PDE10A: variants seen among roughly 807,000 people sequenced by gnomAD.
The protein encoded by PDE10A is cAMP and cAMP-inhibited cGMP 3',5'-cyclic phosphodiesterase 10A.
PDE10A carries 39 observed loss-of-function variants against 97.7 expected under a neutral mutation model. The ratio of observed to expected loss-of-function variants is 0.40; its 90% CI spans 0.31 to 0.52. The LOEUF (loss-of-function observed/expected upper bound fraction) is 0.52, where lower values mean the gene tolerates loss of function less well. Among genes scored for constraint, PDE10A ranks in the 20% least tolerant of loss-of-function variants. PDE10A has a pLI of 0.56. For missense variants in PDE10A, 731 were observed against 1,047.8 expected (o/e 0.70, Z 4.17); for synonymous variants, 371 against 376.8 (o/e 0.98, Z 0.18).
chr6:165,960,682 G>A (rs1784331344), intron 1 of PDE10A, among the ~76,000 whole-genome samples: 1 of 152,230 alleles, frequency 6.6e-6, no homozygotes, highest in African/African-American at 2.4e-5. Context: ...ACGTGAGTTA[G>A]TAACTTGAAA....
intron 1 of PDE10A, among the ~76,000 whole-genome samples, chr6:165,953,097 A>G (rs1178816132): frequency 2.0e-5 from 3 of 152,140 alleles, no homozygotes; most frequent in Non-Finnish European, 4.4e-5. Flanking sequence ...ACTTCTCGGC[A>G]TTGTAGTTTG....
chr6:165,834,986 G>A (rs1407392241), intron 1 of PDE10A, among the ~76,000 whole-genome samples: 2 of 152,234 alleles, frequency 1.3e-5, no homozygotes, highest in African/African-American at 2.4e-5. Context: ...GAGCTCAGGG[G>A]CCAGGGGTGT....
At chr6:165,402,111 T>A (rs1362898956) in intron 13 of PDE10A, among the ~76,000 whole-genome samples, 1 of 152,226 alleles carries the variant, frequency 6.6e-6, no homozygotes, top group Non-Finnish European at 1.5e-5. Context: ...GTATGCTAAG[T>A]GTTTTGTATG....
At position 165,388,464 on chromosome 6, in the gene PDE10A, T is replaced by C; in HGVS notation, c.2455-11A>G. On this transcript the variant is annotated splice_polypyrimidine_tract_variant and intron_variant, in intron 16 of 21. Transcript: ENST00000539869. The surrounding 1 kb of genome is among the most constrained non-coding windows in gnomAD (Gnocchi z 4.0). The stretch of plus-strand genomic sequence containing the variant: ...CAGCAGTCCTTTGCGCTTTAAAAAA[T>C]AATATGATGCAGAGATGCTCAAAAC... 6.2e-7 allele frequency: 1 copy of C among 1,613,256 alleles called. No homozygotes were observed. The highest frequency in any genetic ancestry group is 8.5e-7 in the Non-Finnish European group (1 of 1,179,526).
intron 13 of PDE10A, among the ~76,000 whole-genome samples, chr6:165,405,324 C>T (rs1212228229): frequency 6.6e-6 from 1 of 152,134 alleles, no homozygotes; most frequent in Non-Finnish European, 1.5e-5. Flanking sequence ...TTGCTATTTT[C>T]CAGTAAATAA....
chr6:165,521,479 G>A (rs1010193533), intron 2 of PDE10A, among the ~76,000 whole-genome samples: 16 of 152,276 alleles, frequency 1.1e-4, no homozygotes, highest in Admixed American at 5.9e-4. Flanking sequence ...AGTTAGCCAC[G>A]TTGTTAATGC....
chr6:165,695,209 C>A (rs199945849), intron 1 of PDE10A, among the ~76,000 whole-genome samples: 221 of 123,320 alleles, frequency 1.8e-3, no homozygotes, highest in African/African-American at 2.0e-3. Flanking sequence ...TGAAAACTAC[C>A]AAAAAAAAAA....
At chr6:165,543,030 T>C (rs1301080924) in intron 2 of PDE10A, among the ~76,000 whole-genome samples, 3 of 152,312 alleles carry the variant, frequency 2.0e-5, no homozygotes, top group East Asian at 1.9e-4. Context: ...AAAATTGTTT[T>C]TATATTGGCT....
intron 1 of PDE10A, among the ~76,000 whole-genome samples, chr6:165,672,308 C>G (rs1051781191): frequency 1.3e-5 from 2 of 152,206 alleles, no homozygotes; most frequent in Admixed American, 6.5e-5. Flanking sequence ...CTGAAAATAT[C>G]CTAAGTCAAA....
intron 1 of PDE10A, among the ~76,000 whole-genome samples, chr6:165,843,822 ACTGAAGGTTTTAT>A (rs1203327037): frequency 6.6e-6 from 1 of 152,240 alleles, no homozygotes; most frequent in African/African-American, 2.4e-5. Flanking sequence ...CAGGGCAGTC[ACTGAAGGTTTTAT>A]CTGAGGAGCA....
intron 1 of PDE10A, among the ~76,000 whole-genome samples, chr6:165,682,201 CG>C (rs1187719784): frequency 6.6e-6 from 1 of 152,136 alleles, no homozygotes; most frequent in Non-Finnish European, 1.5e-5. Flanking sequence ...GCTGCGATCA[CG>C]GCTCACTGCA....
At chr6:165,749,922 G>C (rs1460023230) in intron 1 of PDE10A, among the ~76,000 whole-genome samples, 1 of 152,196 alleles carries the variant, frequency 6.6e-6, no homozygotes, top group Non-Finnish European at 1.5e-5. Context: ...CATAACTTTT[G>C]TGACAAGGAA....
chr6:165,743,669 CT>C (rs575057025), intron 1 of PDE10A, among the ~76,000 whole-genome samples: 50 of 152,334 alleles, frequency 3.3e-4, no homozygotes, highest in Non-Finnish European at 6.3e-4. Context: ...CCCTCTTCCT[CT>C]GACAGATAAC....
intron 1 of PDE10A, among the ~76,000 whole-genome samples, chr6:165,923,436 C>T (rs577221062): frequency 1.5e-4 from 23 of 152,334 alleles, no homozygotes; most frequent in Admixed American, 1.1e-3. Flanking sequence ...CCATTGACAG[C>T]ACCGTCGATA....
At chr6:165,406,554 G>C (rs1354125951) in intron 13 of PDE10A, among the ~76,000 whole-genome samples, 1 of 151,852 alleles carries the variant, frequency 6.6e-6, no homozygotes, top group Non-Finnish European at 1.5e-5. Context: ...TGAAGTTTTG[G>C]GTTTTTTTCC....
intron 11 of PDE10A, among the ~76,000 whole-genome samples, chr6:165,416,635 G>C (rs1788335146): frequency 6.6e-6 from 1 of 152,132 alleles, no homozygotes; most frequent in Non-Finnish European, 1.5e-5. Context: ...AATGAGGTGT[G>C]AACGAAGGCC....
intron 9 of PDE10A, 124 bp from the exon 10 acceptor site, chr6:165,428,833 G>T: frequency 8.0e-6 from 4 of 497,794 alleles, no homozygotes; most frequent in Non-Finnish European, 1.1e-5. Context: ...AATGTCATTT[G>T]ATTTTTCTGC....
intron 1 of PDE10A, among the ~76,000 whole-genome samples, chr6:165,569,876 T>C (rs1430638833): frequency 1.3e-5 from 2 of 152,234 alleles, no homozygotes; most frequent in Non-Finnish European, 1.5e-5. Context: ...GTGCCAAAAG[T>C]GTTTGTTTTC....
intron 1 of PDE10A, among the ~76,000 whole-genome samples, chr6:165,929,621 C>A (rs1344883897): frequency 6.6e-6 from 1 of 152,234 alleles, no homozygotes; most frequent in East Asian, 1.9e-4. Context: ...GCTGGAAAAT[C>A]ATGAAGTCGA....
Sources: gnomAD v4.1 joint callset for allele counts (sites outside exome capture counted in the v4.1 genomes callset) on GRCh38, gnomAD v4.1.1 for gene constraint, Gnocchi (gnomAD v3.1) non-coding constraint, MANE v1.5 for transcripts, NCBI Gene and HGNC (gene_info 2026-07-23, HGNC 2026-07-21) for gene names.